The following FARP1 variants were observed in gnomAD, a reference collection of about 807,000 sequenced individuals.
FARP1 encodes FERM, ARH/RhoGEF and pleckstrin domain protein 1.
FARP1 carries 52 observed loss-of-function variants against 128.8 expected under a neutral mutation model. The observed-to-expected ratio is 0.40, with a 90% CI of 0.32 to 0.51. The LOEUF (loss-of-function observed/expected upper bound fraction) is 0.51. FARP1 is among the 20% of genes least tolerant of loss of function. The pLI is 0.45. For synonymous variants in FARP1, 580 were observed against 551.8 expected (o/e 1.05, Z -0.72); for missense variants, 1,333 against 1,367.9 (o/e 0.97, Z 0.40).
intron 2 of FARP1, among the ~76,000 whole-genome samples, chr13:98,284,439 G>C (rs967354034): frequency 8.5e-5 from 13 of 152,050 alleles, no homozygotes; most frequent in Admixed American, 8.5e-4. Flanking sequence ...AACAAACAAA[G>C]CTAAATCCCT....
intron 2 of FARP1, among the ~76,000 whole-genome samples, chr13:98,225,702 AGCCCTCCGGCGTCCT>A (rs1881718717): frequency 6.6e-6 from 1 of 152,244 alleles, no homozygotes; most frequent in African/African-American, 2.4e-5. Flanking sequence ...CACTGCCAAC[AGCCCTCCGGCGTCCT>A]GCCAACCGGG....
chr13:98,420,518 G>T (rs534957810), intron 16 of FARP1, among the ~76,000 whole-genome samples: 2 of 152,212 alleles, frequency 1.3e-5, no homozygotes, highest in East Asian at 3.8e-4. Flanking sequence ...AATTCATGAC[G>T]TGTGTGGGTG....
At chr13:98,355,743 G>T (rs1168501724) in intron 3 of FARP1, among the ~76,000 whole-genome samples, 1 of 152,172 alleles carries the variant, frequency 6.6e-6, no homozygotes, top group Non-Finnish European at 1.5e-5. Flanking sequence ...AATTGTAATA[G>T]ATTATTTTTA....
At chr13:98,287,419 C>T (rs1459056549) in intron 2 of FARP1, among the ~76,000 whole-genome samples, 9 of 151,402 alleles carry the variant, frequency 5.9e-5, no homozygotes, top group Admixed American at 3.9e-4. Flanking sequence ...TTAGTAGAGA[C>T]GGGGTTTCAC....
intron 6 of FARP1, among the ~76,000 whole-genome samples, chr13:98,381,272 A>G (rs1027725895): frequency 1.3e-5 from 2 of 152,188 alleles, no homozygotes; most frequent in African/African-American, 4.8e-5. Flanking sequence ...CGTGATTTCA[A>G]TTATTGGTGA....
In FARP1 at chr13:98,453,184, A is replaced by G. The variant is rs552813433; in HGVS notation, c.*4867A>G. The G allele has an allele frequency of 2.7e-5, 44 of 1,613,708 alleles. No homozygotes were observed. The South Asian group carries it at 4.5e-4, about 17-fold the overall frequency. ...ATGCCAAAGGAATTTCAGTGGGATG[A>G]AGTTCCTCCACCACTTAGAGAGTAT... On this transcript the variant is annotated 3_prime_UTR_variant, in exon 27 of 27. Coordinates refer to ENST00000319562, the MANE Select transcript of FARP1 (RefSeq NM_005766.4).
rs1211795438 is a variant in FARP1 at position 98,219,746 on chromosome 13, G to A, written c.171+6333G>A. On this transcript the variant is annotated intron_variant, in intron 2 of 26. Transcript: ENST00000319562. Reference sequence around the variant, plus strand: ...AGTGGAGCAATCTTGGCTCACTGCCGCCTTGACCTTCTGGGCTCAGCGGGC... The same window carrying A: ...AGTGGAGCAATCTTGGCTCACTGCCACCTTGACCTTCTGGGCTCAGCGGGC... Among the ~76,000 whole-genome samples the A allele has an allele frequency of 4.6e-5, 7 of 152,208 alleles. No individual in the cohort carries two copies. In the East Asian group the frequency reaches 9.7e-4, roughly 21 times the overall value.
chr13:98,448,310 T>G lies in FARP1; in HGVS notation c.3131T>G (p.Val1044Gly). ...GTGTTGAGTCACAAAGAGTCTCTTG[T>G]GTATTGATGGCCGGACACACTCGTT... ...PHVLSHKESL[V>G]Y The change falls in exon 27 of 27, where the codon GTG (valine) becomes GGG (glycine). Residue 1044 changes from valine to glycine, a missense_variant. Around this residue, in one of 2 missense-constraint regions of FARP1, gnomAD observed 1,009 missense variants for 969.8 expected, o/e 1.04. Coordinates refer to ENST00000319562, the MANE Select transcript of FARP1 (RefSeq NM_005766.4). 6.2e-7 allele frequency: 1 copy of G among 1,612,804 alleles called. No homozygotes were observed. The highest frequency in any genetic ancestry group is 8.5e-7 in the Non-Finnish European group (1 of 1,178,742).
intron 2 of FARP1, among the ~76,000 whole-genome samples, chr13:98,240,944 G>A (rs1229655172): frequency 1.3e-5 from 2 of 152,236 alleles, no homozygotes; most frequent in Non-Finnish European, 2.9e-5. Context: ...AAGATCTGAA[G>A]CTGCTGTTTG....
rs761896484 is a variant in FARP1, at chr13:98,454,549, C to T, written c.*6232C>T. 6.6e-6 allele frequency: 1 copy of T among 152,190 alleles called. No individual in the cohort carries two copies. The highest frequency in any genetic ancestry group is 1.5e-5 in the Non-Finnish European group (1 of 68,036). The allele number at this position is 152,190 out of a possible 1,614,324, so 9.4% of individuals were successfully genotyped here. The stretch of plus-strand genomic sequence containing the variant: ...CCTAAGACTCAACTATCAAGAAATA[C>T]AAATGACTAAATCACGGGATGAGTT... On this transcript the variant is annotated 3_prime_UTR_variant, in exon 27 of 27. Coordinates refer to ENST00000319562, the MANE Select transcript of FARP1 (RefSeq NM_005766.4).
chr13:98,235,139 CTTCTGGCTTCT>C (rs1882342453), intron 2 of FARP1, among the ~76,000 whole-genome samples: 1 of 152,080 alleles, frequency 6.6e-6, no homozygotes, highest in Non-Finnish European at 1.5e-5. Flanking sequence ...TGTACCCCAC[CTTCTGGCTTCT>C]TTGATGGCTG....
chr13:98,407,829 G>T (rs1403146060), intron 13 of FARP1, among the ~76,000 whole-genome samples: 1 of 152,150 alleles, frequency 6.6e-6, no homozygotes, highest in Non-Finnish European at 1.5e-5. Context: ...GGTTTCTCCA[G>T]GGTTCATTTA....
chr13:98,167,403 T>C (rs1391330646), intron 1 of FARP1, among the ~76,000 whole-genome samples: 1 of 133,234 alleles, frequency 7.5e-6, no homozygotes, highest in Non-Finnish European at 1.6e-5. Context: ...AGAACAGTTT[T>C]ACTTTTTTTT....
At chr13:98,264,120 T>A (rs1190888979) in intron 2 of FARP1, among the ~76,000 whole-genome samples, 2 of 152,318 alleles carry the variant, frequency 1.3e-5, no homozygotes, top group East Asian at 3.9e-4. Flanking sequence ...TCTGCCCTAA[T>A]GTGCTAACCT....
intron 2 of FARP1, among the ~76,000 whole-genome samples, chr13:98,309,064 T>G (rs1279855920): frequency 6.6e-6 from 1 of 151,638 alleles, no homozygotes; most frequent in East Asian, 1.9e-4. Context: ...TGTTGGCAAT[T>G]TTGAAATGGA....
chr13:98,322,557 CCGT>C (rs1887043093), intron 2 of FARP1, among the ~76,000 whole-genome samples: 3 of 85,024 alleles, frequency 3.5e-5, no homozygotes, highest in Non-Finnish European at 8.8e-5. Context: ...TGCTCCTTAG[CCGT>C]CAGTGCTCCT....
At position 98,440,202 on chromosome 13, in the gene FARP1, CCT is replaced by C; in HGVS notation, c.2597_2598del (p.Pro866ArgfsTer9). 6.2e-7 allele frequency: 1 copy of C among 1,613,960 alleles called. No homozygotes were observed. Among genetic ancestry groups the C allele is most frequent in the Non-Finnish European group, 8.5e-7 (1 of 1,179,884 alleles). ...GGCGGAGAAGAGCAGCAGCCCCGCCCCTGAGTTCCTGGCCAGCAGCCCCCCTG... is the reference window on the plus strand; with the variant it reads ...GGCGGAGAAGAGCAGCAGCCCCGCCCGAGTTCCTGGCCAGCAGCCCCCCTG... Reference protein sequence around the residue: ...DLAEKSSSPAPEFLASSPPDN... With the variant: ...DLAEKSSSPAXEFLASSPPDN... On this transcript the variant is annotated frameshift_variant, in exon 23 of 27. Coordinates refer to ENST00000319562, the MANE Select transcript of FARP1 (RefSeq NM_005766.4). LOFTEE classifies it high-confidence loss of function.
intron 13 of FARP1, chr13:98,405,421 C>G (rs1447240740): frequency 3.3e-5 from 5 of 152,162 alleles, no homozygotes; most frequent in African/African-American, 4.8e-5. Flanking sequence ...AAAGCAATTA[C>G]TAGAAATGCC....
chr13:98,384,089 C>T (rs1328009818), intron 6 of FARP1: 1 of 150,644 alleles, frequency 6.6e-6, no homozygotes, highest in Non-Finnish European at 1.5e-5. Context: ...TTGTCACCCA[C>T]ATGTGTAGAA....
Sources: gnomAD v4.1 joint callset for allele counts (sites outside exome capture counted in the v4.1 genomes callset) on GRCh38, gnomAD v4.1.1 for gene constraint, gnomAD v4.1.1 regional missense constraint, MANE v1.5 for transcripts, NCBI Gene and HGNC (gene_info 2026-07-23, HGNC 2026-07-21) for gene names.